SYT16: variants seen among roughly 807,000 people sequenced by gnomAD.
SYT16 encodes synaptotagmin 16.
SYT16 carries 42 observed loss-of-function variants against 61.4 expected under a neutral mutation model. The observed-to-expected ratio is 0.68, with a 90% CI of 0.53 to 0.89. SYT16 has a LOEUF of 0.89. SYT16 is among the 40% of genes least tolerant of loss of function. The probability of loss-of-function intolerance (pLI) is 0.00; values close to 1 mark genes in which losing one functional copy is unlikely to be tolerated. For missense variants in SYT16, 804 were observed against 807.3 expected (o/e 1.00, Z 0.05); for synonymous variants, 314 against 302.3 (o/e 1.04, Z -0.40).
rs530602124 is a variant in SYT16, at chr14:62,049,863, C to A, written c.524-19740C>A. On this transcript the variant is annotated intron_variant, in intron 3 of 7. Coordinates refer to ENST00000683842, the MANE Select transcript of SYT16 (RefSeq NM_001367656.1). ...TCAGCTGTTAGTCTGATGGGCTTCC[C>A]TTTGTGGGTAACCCGACCTTTCTCT... Among the ~76,000 whole-genome samples the A allele has an allele frequency of 2.9e-3, 435 of 152,288 alleles. 2 individuals carry two copies. Among genetic ancestry groups the A allele is most frequent in the African/African-American group, 0.01 (420 of 41,564 alleles).
At chr14:62,070,215 GT>G (rs2056246292) in intron 4 of SYT16, among the ~76,000 whole-genome samples, 1 of 152,140 alleles carries the variant, frequency 6.6e-6, no homozygotes, top group South Asian at 2.1e-4. Flanking sequence ...CATAAAATAA[GT>G]TTTCCACATA....
intron 1 of SYT16, among the ~76,000 whole-genome samples, chr14:61,828,591 A>G (rs2045843656): frequency 6.6e-6 from 1 of 152,358 alleles, no homozygotes; most frequent in African/African-American, 2.4e-5. Context: ...AAAATGTGCT[A>G]CTTCCACCCC....
chr14:62,045,515 A>C (rs959020421), intron 3 of SYT16, among the ~76,000 whole-genome samples: 20 of 152,184 alleles, frequency 1.3e-4, no homozygotes, highest in African/African-American at 4.3e-4. Flanking sequence ...GGTTTGTTAC[A>C]TATGTATACA....
At chr14:61,911,034 C>G (rs1273891566) in intron 1 of SYT16, among the ~76,000 whole-genome samples, 1 of 152,204 alleles carries the variant, frequency 6.6e-6, no homozygotes, top group Non-Finnish European at 1.5e-5. Context: ...TTACTGGGAT[C>G]TTGCTATTGA....
At chr14:61,854,733 G>T (rs2046723367) in intron 1 of SYT16, among the ~76,000 whole-genome samples, 1 of 152,166 alleles carries the variant, frequency 6.6e-6, no homozygotes, top group Admixed American at 6.5e-5. Context: ...ATCACTCGTG[G>T]TTATTCTATC....
intron 1 of SYT16, chr14:61,864,764 G>T: frequency 1.0e-6 from 1 of 958,046 alleles, no homozygotes. Flanking sequence ...GACGCATGTG[G>T]CTGGCCGGTT....
At chr14:62,046,261 T>C (rs1283324495) in intron 3 of SYT16, among the ~76,000 whole-genome samples, 1 of 152,230 alleles carries the variant, frequency 6.6e-6, no homozygotes, top group Non-Finnish European at 1.5e-5. Flanking sequence ...TTTTGAGAAG[T>C]GTCTGTTCAT....
At chr14:61,961,299 C>T (rs1258239029) in intron 1 of SYT16, among the ~76,000 whole-genome samples, 1 of 152,100 alleles carries the variant, frequency 6.6e-6, no homozygotes, top group Non-Finnish European at 1.5e-5. Flanking sequence ...AGCTTCTGCA[C>T]AGCAAAGGAA....
chr14:61,832,855 T>C (rs965956029), intron 1 of SYT16, among the ~76,000 whole-genome samples: 8 of 152,350 alleles, frequency 5.3e-5, no homozygotes, highest in African/African-American at 1.4e-4. Flanking sequence ...TTAAAATAAA[T>C]CTATCCCTTT....
rs1394984380 is a variant in SYT16 at position 62,084,268 on chromosome 14, C to T, written c.1507C>T (p.His503Tyr). 6.2e-7 allele frequency: 1 copy of T among 1,613,960 alleles called. No individual in the cohort carries two copies. Among genetic ancestry groups the T allele is most frequent in the Non-Finnish European group, 8.5e-7 (1 of 1,179,886 alleles). The change falls in exon 7 of 8, where the codon CAT (histidine) becomes TAT (tyrosine). Residue 503 changes from histidine (H) to tyrosine (Y), a missense_variant. Physicochemically the swap from His to Tyr is moderately conservative, Grantham distance 83. Coordinates refer to ENST00000683842, the MANE Select transcript of SYT16 (RefSeq NM_001367656.1). Reference sequence around the variant, plus strand: ...TACTTCATCCACGCAGTCGCTGTCTCATGGAGGGGCGCCAGAGCTGTTGGT... The same window carrying T: ...TACTTCATCCACGCAGTCGCTGTCTTATGGAGGGGCGCCAGAGCTGTTGGT... ...DSTSSTQSLS[H>Y]GGAPELLVGL... is the part of the protein sequence containing the mutation.
At chr14:61,901,762 A>AATTATTATTATT (rs1555354445) in intron 1 of SYT16, among the ~76,000 whole-genome samples, 1 of 138,850 alleles carries the variant, frequency 7.2e-6, no homozygotes, top group African/African-American at 2.9e-5. Context: ...TAATAATAAT[A>AATTATTATTATT]ATTATTATTA....
intron 7 of SYT16, 138 bp downstream of exon 7, chr14:62,084,523 C>T (rs1213680214): frequency 4.2e-6 from 4 of 945,106 alleles, no homozygotes; most frequent in Non-Finnish European, 6.1e-6. Flanking sequence ...CAAAGAGATA[C>T]CTCTGTATTT....
intron 1 of SYT16, among the ~76,000 whole-genome samples, chr14:61,889,462 A>T (rs1011672923): frequency 6.6e-6 from 1 of 152,070 alleles, no homozygotes; most frequent in African/African-American, 2.4e-5. Flanking sequence ...GGGTCAAGGG[A>T]ATGGATCCCT....
At chr14:61,918,194 A>G (rs1321950420) in intron 1 of SYT16, among the ~76,000 whole-genome samples, 2 of 152,178 alleles carry the variant, frequency 1.3e-5, no homozygotes, top group Non-Finnish European at 2.9e-5. Flanking sequence ...CACTATTAAC[A>G]TTATCAATGA....
intron 1 of SYT16, among the ~76,000 whole-genome samples, chr14:61,817,419 C>CAAAAAAA (rs58438991): frequency 2.4e-5 from 2 of 82,584 alleles, no homozygotes; most frequent in African/African-American, 4.2e-5. Flanking sequence ...ACTCCATCTC[C>CAAAAAAA]AAAAAAAAAA....
In SYT16 at chr14:61,979,130, A is replaced by T. The variant is rs147078012; in HGVS notation, c.-145+8819A>T. Among the ~76,000 whole-genome samples, 744 of 152,280 alleles carry T rather than the reference A, an allele frequency of 4.9e-3. 21 individuals carry two copies. Among genetic ancestry groups the T allele is most frequent in the Admixed American group, 0.045 (689 of 15,296 alleles). On this transcript the variant is annotated intron_variant, in intron 2 of 7. Coordinates refer to ENST00000683842, the MANE Select transcript of SYT16 (RefSeq NM_001367656.1). ...TGACAAATTTTGTAAAATGGTGTGA[A>T]TCAGGATCTGAAACAGATGTAAAAA...
At chr14:61,875,427 A>G (rs943067390) in intron 1 of SYT16, among the ~76,000 whole-genome samples, 1 of 152,250 alleles carries the variant, frequency 6.6e-6, no homozygotes, top group Admixed American at 6.5e-5. Context: ...TAGGAAAGAG[A>G]TGGACAATTT....
chr14:61,942,551 G>A (rs758911854), intron 1 of SYT16, among the ~76,000 whole-genome samples: 39 of 152,058 alleles, frequency 2.6e-4, no homozygotes, highest in South Asian at 1.0e-3. Context: ...TCTGTTTTTC[G>A]ACTCACAGTG....
At chr14:62,076,444 A>G (rs1040427427) in intron 5 of SYT16, among the ~76,000 whole-genome samples, 2 of 66,314 alleles carry the variant, frequency 3.0e-5, no homozygotes, top group South Asian at 3.9e-4. Flanking sequence ...TGCTCAAGGT[A>G]AAAAAAAAAA....
Sources: allele counts gnomAD v4.1 joint callset (sites outside exome capture counted in the v4.1 genomes callset), GRCh38; gene constraint gnomAD v4.1.1; transcripts MANE v1.5; gene names NCBI Gene and HGNC (gene_info 2026-07-23, HGNC 2026-07-21).